Variants in OR3A2 observed in about 807,000 individuals in gnomAD.
The protein encoded by OR3A2 is olfactory receptor 3A2.
For missense variants in OR3A2, 318 were observed against 392.8 expected, an observed-to-expected ratio of 0.81 and a Z score of 1.61; for synonymous variants, 126 against 159.3, an observed-to-expected ratio of 0.79 and a Z score of 1.57.
Position 3,342,784 on chromosome 17 carries a change from C to A in OR3A2, c.-178-6658G>T, listed in dbSNP as rs573613946. On this transcript the variant is annotated intron_variant, in intron 2 of 4. Transcript: ENST00000573491. Reference sequence around the variant, plus strand: ...TCTGTCCATTCTCAGAGCTCAAACACCATGATGGGAGAACCACTGCTCTCT... The same window carrying A: ...TCTGTCCATTCTCAGAGCTCAAACAACATGATGGGAGAACCACTGCTCTCT... Among the ~76,000 whole-genome samples, 42 of 152,342 alleles carry A rather than the reference C, an allele frequency of 2.8e-4. 1 individual carries two copies. In the South Asian group the frequency reaches 8.5e-3, roughly 31 times the overall value.
At chr17:3,312,752 T>A (rs543320592) in intron 3 of OR3A2, among the ~76,000 whole-genome samples, 9 of 152,244 alleles carry the variant, frequency 5.9e-5, no homozygotes, top group African/African-American at 2.2e-4. Flanking sequence ...AGCCTCCCGA[T>A]AGCTGGGATT....
intron 2 of OR3A2, among the ~76,000 whole-genome samples, chr17:3,356,555 A>G (rs1431545643): frequency 6.6e-6 from 1 of 151,538 alleles, no homozygotes; most frequent in Non-Finnish European, 1.5e-5. Context: ...TCAAACCATG[A>G]AGAAATCCAA....
intron 2 of OR3A2, among the ~76,000 whole-genome samples, chr17:3,359,772 A>G (rs2049493935): frequency 6.6e-6 from 1 of 151,630 alleles, no homozygotes; most frequent in South Asian, 2.1e-4. Context: ...ATGGCTGCAT[A>G]GTATTCCATG....
chr17:3,314,923 G>C (rs942455942), intron 3 of OR3A2, among the ~76,000 whole-genome samples: 1 of 152,110 alleles, frequency 6.6e-6, no homozygotes, highest in Admixed American at 6.6e-5. Context: ...AGCTGTTAAT[G>C]ATTAGAACGT....
intron 2 of OR3A2, among the ~76,000 whole-genome samples, chr17:3,340,099 C>T (rs2049304824): frequency 6.6e-6 from 1 of 152,160 alleles, no homozygotes. Flanking sequence ...GTTTGTATTT[C>T]TGTGAGATCA....
chr17:3,358,326 G>T (rs1364158223), intron 2 of OR3A2, among the ~76,000 whole-genome samples: 1 of 151,478 alleles, frequency 6.6e-6, no homozygotes, highest in East Asian at 1.9e-4. Context: ...TAGCTTTGGG[G>T]TTGATTTGTT....
At chr17:3,385,959 C>T in intron 1 of OR3A2, 166 bp downstream of exon 1, 1 of 397,530 alleles carries the variant, frequency 2.5e-6, no homozygotes, top group Non-Finnish European at 4.4e-6. Context: ...CATCTGCCCC[C>T]GTGTTCCTCC....
intron 2 of OR3A2, among the ~76,000 whole-genome samples, chr17:3,340,636 T>C (rs180995770): frequency 0.021 from 3,247 of 152,334 alleles, 51 homozygotes; most frequent in Middle Eastern, 0.048. Context: ...AGAGAGTTTG[T>C]TGTGATTTCT....
In OR3A2 at chr17:3,381,505, G is replaced by T. The variant is rs549272489; in HGVS notation, c.-179+2299C>A. Among the ~76,000 whole-genome samples, 4 of 152,262 alleles carry T rather than the reference G, an allele frequency of 2.6e-5. No individual in the cohort carries two copies. In the East Asian group the frequency reaches 7.7e-4, roughly 29 times the overall value. On this transcript the variant is annotated intron_variant, in intron 2 of 4. Transcript: ENST00000573491. ...CAGCCCTGTGCCTCGTGTTTCAACA[G>T]GAGCTGACACAAACTCAGTCATCAT...
chr17:3,364,190 C>T (rs1450641655), intron 2 of OR3A2, among the ~76,000 whole-genome samples: 2 of 152,122 alleles, frequency 1.3e-5, no homozygotes, highest in East Asian at 3.8e-4. Flanking sequence ...AGCAGATAGC[C>T]TAACATGTAT....
At chr17:3,323,510 C>T (rs1567554584) in intron 3 of OR3A2, among the ~76,000 whole-genome samples, 2 of 152,010 alleles carry the variant, frequency 1.3e-5, no homozygotes, top group African/African-American at 4.8e-5. Context: ...TGTTCCTTTC[C>T]ATGTTTAGCA....
At chr17:3,377,967 A>AT (rs2049698610) in intron 2 of OR3A2, among the ~76,000 whole-genome samples, 1 of 151,930 alleles carries the variant, frequency 6.6e-6, no homozygotes, top group Non-Finnish European at 1.5e-5. Flanking sequence ...AAATGAAAAC[A>AT]TAACAAGGAG....
chr17:3,280,333 G>A (rs1293923209), intron 1 of OR3A2, among the ~76,000 whole-genome samples: 10 of 151,002 alleles, frequency 6.6e-5, no homozygotes, highest in East Asian at 1.9e-4. Flanking sequence ...GTGCAGTGGC[G>A]CGATCTCGGC....
chr17:3,365,733 CACA>C (rs895404319), intron 2 of OR3A2, among the ~76,000 whole-genome samples: 1 of 152,202 alleles, frequency 6.6e-6, no homozygotes. Flanking sequence ...AAAAGTAACA[CACA>C]ACACTTGTAT....
At chr17:3,330,671 G>T (rs2049223873) in intron 3 of OR3A2, among the ~76,000 whole-genome samples, 1 of 152,006 alleles carries the variant, frequency 6.6e-6, no homozygotes, top group African/African-American at 2.4e-5. Context: ...TATCCAATTT[G>T]CCAGTCTGTG....
rs369802980 is a variant in OR3A2, at chr17:3,311,251, C to A, written c.-85+24782G>T. ...TGTTCCTCCGATGCTGGCGTGTCTC[C>A]AGGCCCACCAGTGCAGAGTTCCCTA... On this transcript the variant is annotated intron_variant, in intron 3 of 4. Transcript: ENST00000573491. The surrounding 1 kb of genome is among the most constrained non-coding windows in gnomAD (Gnocchi z 4.6). 1.9e-6 allele frequency: 1 copy of A among 535,426 alleles called. No homozygotes were observed. Among genetic ancestry groups the A allele is most frequent in the Non-Finnish European group, 3.8e-6 (1 of 260,702 alleles). The allele number at this position is 535,426 out of a possible 1,614,324, so 33.2% of individuals were successfully genotyped here. A position where few individuals can be genotyped will look rare whatever the true frequency, so the allele number is the denominator to read the frequency against.
chr17:3,322,888 C>A (rs557337665), intron 3 of OR3A2, among the ~76,000 whole-genome samples: 1 of 152,148 alleles, frequency 6.6e-6, no homozygotes, highest in South Asian at 2.1e-4. Context: ...TCTATTAGGT[C>A]CGTTTGGTGC....
At chr17:3,355,767 T>G (rs1025132924) in intron 2 of OR3A2, among the ~76,000 whole-genome samples, 3 of 151,484 alleles carry the variant, frequency 2.0e-5, no homozygotes, top group African/African-American at 7.3e-5. Flanking sequence ...ATTCATCCAC[T>G]CAGCCACTCT....
chr17:3,318,624 G>C (rs1296759301), intron 3 of OR3A2, among the ~76,000 whole-genome samples: 4 of 152,156 alleles, frequency 2.6e-5, no homozygotes, highest in African/African-American at 4.8e-5. Flanking sequence ...AAATGCATCT[G>C]CTTCAGTGTT....
Sources: gnomAD v4.1 joint callset for allele counts (sites outside exome capture counted in the v4.1 genomes callset) on GRCh38, gnomAD v4.1.1 for gene constraint, Gnocchi (gnomAD v3.1) non-coding constraint, MANE v1.5 for transcripts, NCBI Gene and HGNC (gene_info 2026-07-23, HGNC 2026-07-21) for gene names.